DPP6: variants seen among roughly 807,000 people sequenced by gnomAD.
DPP6 encodes the protein dipeptidyl peptidase like 6, also known as A-type potassium channel modulatory protein DPP6.
In DPP6, 69 loss-of-function variants were observed where a neutral mutation model predicts 122.6. The ratio of observed to expected loss-of-function variants is 0.56; its 90% confidence interval spans 0.46 to 0.69. DPP6 has a LOEUF of 0.69. Among genes scored for constraint, DPP6 ranks in the 30% least tolerant of loss-of-function variants. The pLI, the probability that DPP6 is intolerant of heterozygous loss-of-function variation, is 0.00. For synonymous variants in DPP6, 418 were observed against 433.1 expected, an observed-to-expected ratio of 0.97 and a Z score of 0.43; for missense variants, 928 against 1,116.9, an observed-to-expected ratio of 0.83 and a Z score of 2.41.
intron 8 of DPP6, among the ~76,000 whole-genome samples, chr7:154,750,150 C>T (rs1795435659): frequency 6.6e-6 from 1 of 152,192 alleles, no homozygotes; most frequent in South Asian, 2.1e-4. Context: ...GGGTCATGGT[C>T]AAAAACACGG....
the DPP6 span, among the ~76,000 whole-genome samples, chr7:153,844,288 A>G: frequency 6.6e-6 from 1 of 152,246 alleles, no homozygotes; most frequent in African/African-American, 2.4e-5. Context: ...ACTCTGATTT[A>G]AATGAACCAT....
intron 1 of DPP6, among the ~76,000 whole-genome samples, chr7:154,345,893 C>T (rs551811658): frequency 6.6e-6 from 1 of 152,352 alleles, no homozygotes; most frequent in East Asian, 1.9e-4. Flanking sequence ...TTCCATCCAT[C>T]ATTTCTTCGC....
At chr7:154,437,260 T>G (rs1161460280) in intron 1 of DPP6, among the ~76,000 whole-genome samples, 1 of 152,244 alleles carries the variant, frequency 6.6e-6, no homozygotes, top group Non-Finnish European at 1.5e-5. Context: ...GGCTAATAGC[T>G]GTTTAACATG....
At chr7:154,627,726 A>G (rs1277514863) in intron 5 of DPP6, among the ~76,000 whole-genome samples, 4 of 152,238 alleles carry the variant, frequency 2.6e-5, no homozygotes, top group Non-Finnish European at 5.9e-5. Context: ...TCACTGGACC[A>G]TCAGCCACAG....
At chr7:154,177,190 A>G (rs1797848542) in intron 1 of DPP6, among the ~76,000 whole-genome samples, 1 of 152,164 alleles carries the variant, frequency 6.6e-6, no homozygotes, top group African/African-American at 2.4e-5. Flanking sequence ...CCGCACAGAT[A>G]TACACAAGAA....
chr7:154,775,354 T>G (rs1048704032), intron 10 of DPP6, among the ~76,000 whole-genome samples: 1 of 152,142 alleles, frequency 6.6e-6, no homozygotes, highest in Non-Finnish European at 1.5e-5. Flanking sequence ...CGTTCCATCT[T>G]GTGGCTATAC....
the DPP6 span, among the ~76,000 whole-genome samples, chr7:153,766,089 T>C: frequency 6.6e-6 from 1 of 152,256 alleles, no homozygotes; most frequent in Non-Finnish European, 1.5e-5. Flanking sequence ...TGTAATGTAC[T>C]AAATAATACA....
intron 1 of DPP6, among the ~76,000 whole-genome samples, chr7:154,096,705 A>C (rs545005952): frequency 2.0e-5 from 3 of 152,182 alleles, no homozygotes; most frequent in Non-Finnish European, 4.4e-5. Context: ...TAGAGACCAA[A>C]TCTTATAAAC....
chr7:154,669,661 T>C (rs1453031624), intron 7 of DPP6, among the ~76,000 whole-genome samples: 1 of 152,160 alleles, frequency 6.6e-6, no homozygotes, highest in Non-Finnish European at 1.5e-5. Flanking sequence ...TGGAACAGCA[T>C]GTGCTTGGTT....
At chr7:154,264,490 A>T (rs991542620) in intron 1 of DPP6, among the ~76,000 whole-genome samples, 1 of 152,162 alleles carries the variant, frequency 6.6e-6, no homozygotes, top group African/African-American at 2.4e-5. Flanking sequence ...ACTTGAAAAA[A>T]ATGGGTAATA....
intron 1 of DPP6, among the ~76,000 whole-genome samples, chr7:153,966,366 G>A (rs565350801): frequency 1.3e-5 from 2 of 150,102 alleles, no homozygotes; most frequent in African/African-American, 2.5e-5. Flanking sequence ...GAGAAAACAC[G>A]CATCCTCACC....
intron 25 of DPP6, chr7:154,889,854 G>C: frequency 2.9e-6 from 1 of 350,512 alleles, no homozygotes; most frequent in Non-Finnish European, 5.2e-6. Flanking sequence ...CAGTGTGGCT[G>C]GGGCTATCCC....
At chr7:154,680,342 C>G (rs1287553900) in intron 7 of DPP6, among the ~76,000 whole-genome samples, 1 of 152,194 alleles carries the variant, frequency 6.6e-6, no homozygotes, top group Non-Finnish European at 1.5e-5. Flanking sequence ...AAGCCCAAAG[C>G]TATATCAACA....
chr7:153,964,385 C>G (rs1307288821), intron 1 of DPP6, among the ~76,000 whole-genome samples: 32 of 152,148 alleles, frequency 2.1e-4, no homozygotes, highest in Non-Finnish European at 4.1e-4. Flanking sequence ...TCATTCATCT[C>G]TTGTTGGCGT....
the DPP6 span, among the ~76,000 whole-genome samples, chr7:153,760,359 G>T: frequency 6.6e-6 from 1 of 152,282 alleles, no homozygotes; most frequent in Non-Finnish European, 1.5e-5. Context: ...GTTAAAAGTT[G>T]CAGCAGCTCT....
In DPP6 at chr7:154,809,237, A is replaced by G. The variant is rs570753007; in HGVS notation, c.1666+2125A>G. The stretch of plus-strand genomic sequence containing the variant: ...CCACTCTTCAATTTGTGGAGCAAAT[A>G]CAGGGTTTCTTTTTTTAAAAAAAAA... On this transcript the variant is annotated intron_variant, in intron 16 of 25. Transcript: ENST00000377770. 4.3e-4 allele frequency among the ~76,000 whole-genome samples: 65 copies of G among 152,028 alleles called. 1 individual carries two copies. Among genetic ancestry groups the G allele is most frequent in the Non-Finnish European group, 7.1e-4 (48 of 68,006 alleles).
intron 2 of DPP6, among the ~76,000 whole-genome samples, chr7:154,466,052 G>A (rs545436252): frequency 6.6e-6 from 1 of 152,164 alleles, no homozygotes; most frequent in Non-Finnish European, 1.5e-5. Context: ...CATGTCCTTT[G>A]CAGGGACATG....
At chr7:154,083,411 G>T (rs1364801143) in intron 1 of DPP6, among the ~76,000 whole-genome samples, 1 of 151,766 alleles carries the variant, frequency 6.6e-6, no homozygotes, top group African/African-American at 2.4e-5. Context: ...AGTGAAAGAG[G>T]CCTATATACA....
intron 1 of DPP6, among the ~76,000 whole-genome samples, chr7:154,169,231 T>A (rs1247736825): frequency 3.9e-5 from 6 of 152,202 alleles, no homozygotes; most frequent in Non-Finnish European, 5.9e-5. Flanking sequence ...AAGAACCCGG[T>A]TGGCCTGGTA....
Sources: allele counts gnomAD v4.1 joint callset (sites outside exome capture counted in the v4.1 genomes callset), GRCh38; gene constraint gnomAD v4.1.1; transcripts MANE v1.5; gene names NCBI Gene and HGNC (gene_info 2026-07-23, HGNC 2026-07-21).